FAM217A: variants seen among roughly 807,000 people sequenced by gnomAD.
FAM217A encodes the protein protein FAM217A.
A neutral mutation model predicts 18.5 loss-of-function variants in FAM217A; 13 were observed. That is an observed-to-expected ratio of 0.70 (90% CI 0.46 to 1.12). FAM217A has a LOEUF of 1.12. Ranked by LOEUF, FAM217A falls within the 50% of genes most tolerant of loss-of-function variation. FAM217A has a pLI of 0.00. For synonymous variants in FAM217A, 161 were observed against 202.8 expected (o/e 0.79, Z 1.75); for missense variants, 560 against 575.4 (o/e 0.97, Z 0.27).
chr6:4,076,338 G>GAAA (rs796414665), intron 2 of FAM217A, among the ~76,000 whole-genome samples: 2 of 101,620 alleles, frequency 2.0e-5, no homozygotes, highest in African/African-American at 6.3e-5. Context: ...CAAAAAAAAA[G>GAAA]AAAAAAAAAA....
rs1769557638 is a variant in FAM217A, at chr6:4,073,492, G to T, written c.175C>A (p.Pro59Thr). ...GGTTCTAGCATCAGTTGCTCCACTG[G>T]AATTTCCAAATAGTTCTATAAGGCA... ...GKINKNYLEI[P>T]VEQLMLEPNL... Residue 59 changes from proline (P) to threonine (T), a missense_variant, in exon 5 of 7, where the codon CCA becomes ACA. Transcript: ENST00000274673. 3 of 1,613,118 alleles carry T rather than the reference G, an allele frequency of 1.9e-6. No individual in the cohort carries two copies. Among genetic ancestry groups the T allele is most frequent in the South Asian group, 1.1e-5 (1 of 90,940 alleles).
At position 4,073,284 on chromosome 6, in the gene FAM217A, A is replaced by G. The variant is rs1769545593; in HGVS notation, c.293T>C (p.Ile98Thr). Residue 98 changes from isoleucine (I) to threonine (T), a missense_variant, in exon 6 of 7, where the codon ATA (isoleucine) becomes ACA (threonine). Physicochemically the swap from Ile to Thr is moderately conservative, Grantham distance 89. Coordinates refer to ENST00000274673, the MANE Select transcript of FAM217A (RefSeq NM_173563.3). Reference sequence around the variant, plus strand: ...ATAACTACTCGCTTACCTCTTCTCTATGGTACTTCCTTCATTAAGAGGACA... The same window carrying G: ...ATAACTACTCGCTTACCTCTTCTCTGTGGTACTTCCTTCATTAAGAGGACA... ...WNCPLNEGST[I>T]EKREFKKSSV... is the part of the protein sequence containing the mutation. 1 of 1,606,588 alleles carries G rather than the reference A, an allele frequency of 6.2e-7. No homozygotes were observed.
In FAM217A at chr6:4,077,441, T is replaced by C; in HGVS notation, c.-27A>G. 1 of 1,613,388 alleles carries C rather than the reference T, an allele frequency of 6.2e-7. No homozygotes were observed. Among genetic ancestry groups the C allele is most frequent in the Non-Finnish European group, 8.5e-7 (1 of 1,179,312 alleles). Reference sequence around the variant, plus strand: ...TTGTTGTAGCTGTTGCTCTGTTTCCTTAAAATCCTACACAGATTGCGGGAT... The same window carrying C: ...TTGTTGTAGCTGTTGCTCTGTTTCCCTAAAATCCTACACAGATTGCGGGAT... On this transcript the variant is annotated 5_prime_UTR_variant, in exon 2 of 7. Transcript: ENST00000274673.
intron 6 of FAM217A, 75 bp downstream of exon 6, chr6:4,073,199 AT>A: frequency 1.7e-6 from 2 of 1,149,568 alleles, no homozygotes; most frequent in Non-Finnish European, 2.5e-6. Flanking sequence ...TGGTCCTTGT[AT>A]TTCAAATAGT....
chr6:4,068,824 C>T lies in FAM217A; in HGVS notation c.1399G>A (p.Gly467Arg), dbSNP rs758570734. 2 of 1,614,134 alleles carry T rather than the reference C, an allele frequency of 1.2e-6. No homozygotes were observed. The highest frequency in any genetic ancestry group is 3.3e-5 in the Admixed American group (2 of 60,022). Reference protein sequence around the residue: ...EEIKAPKRNFGTKKKLYRQNI... With the variant: ...EEIKAPKRNFRTKKKLYRQNI... The stretch of plus-strand genomic sequence containing the variant: ...TGTCGGTAAAGTTTCTTTTTGGTCC[C>T]AAAGTTTCTCTTCGGTGCCTTAATT... Residue 467 changes from glycine (G) to arginine (R), a missense_variant, in exon 7 of 7, where the codon GGG becomes AGG. By Grantham distance (125) the Gly-to-Arg change is moderately radical (BLOSUM62 -2). Transcript: ENST00000274673.
chr6:4,084,643 T>C (rs1770522956), exon 2 of FAM217A: 1 of 702,902 alleles, frequency 1.4e-6, no homozygotes, highest in African/African-American at 1.7e-5. Context: ...CCCACCTCAT[T>C]TGTTGTGAAC....
chr6:4,070,982 T>G (rs1769366549), intron 6 of FAM217A, among the ~76,000 whole-genome samples: 1 of 150,690 alleles, frequency 6.6e-6, no homozygotes. Context: ...GGTGACAGAA[T>G]GAGGCCCTGT....
At chr6:4,074,745 T>A (rs1188870317) in intron 2 of FAM217A, 84 bp from the exon 3 acceptor site, 6 of 1,040,708 alleles carry the variant, frequency 5.8e-6, no homozygotes, top group African/African-American at 1.6e-5. Context: ...TGGGGTAAAG[T>A]ATGACGAAAG....
In FAM217A at chr6:4,079,021, C is replaced by T. The variant is rs377493266; in HGVS notation, c.-204G>A. On this transcript the variant is annotated 5_prime_UTR_variant, in exon 1 of 7. Transcript: ENST00000274673. Reference sequence around the variant, plus strand: ...GGGCGGCTGGCGGCCTTGAGCGCAGCCCGGTCGGCAGTGCAGGGCCTGCGA... The same window carrying T: ...GGGCGGCTGGCGGCCTTGAGCGCAGTCCGGTCGGCAGTGCAGGGCCTGCGA... The T allele has an allele frequency of 8.0e-5, 36 of 449,952 alleles. 1 individual carries two copies. Among genetic ancestry groups the T allele is most frequent in the East Asian group, 3.7e-4 (10 of 26,788 alleles). The allele number at this position is 449,952 out of a possible 1,614,324, so 27.9% of individuals were successfully genotyped here.
chr6:4,084,834 C>T (rs1316557459), intron 1 of FAM217A: 1 of 701,676 alleles, frequency 1.4e-6, no homozygotes, highest in Non-Finnish European at 2.6e-6. Context: ...AAAGGAATTG[C>T]ATTTACCTAA....
At chr6:4,075,074 G>A (rs762147657) in intron 2 of FAM217A, among the ~76,000 whole-genome samples, 6 of 152,210 alleles carry the variant, frequency 3.9e-5, no homozygotes, top group Non-Finnish European at 7.3e-5. Context: ...GCTCATGCCT[G>A]TACTCCCAGC....
At position 4,085,310 on chromosome 6, in the gene FAM217A, A is replaced by AT. The variant is rs1338547957; in HGVS notation, c.19-501_19-500insA. Among the ~76,000 whole-genome samples, 453 of 134,246 alleles carry AT rather than the reference A, an allele frequency of 3.4e-3. 1 individual carries two copies. Among genetic ancestry groups the AT allele is most frequent in the African/African-American group, 0.012 (425 of 34,116 alleles). 88.1% of individuals were successfully genotyped at this position (134,246 alleles called of 152,430 possible). On this transcript the variant is annotated intron_variant, in intron 1 of 8. Transcript: ENST00000639338. ...TAGAAGTGTTATTCATTGTAAAAAA[A>AT]AATATATATATATATATAAAATATG... is the stretch of plus-strand genomic sequence containing the variant.
chr6:4,068,688 G>T lies in FAM217A; in HGVS notation c.*8C>A. On this transcript the variant is annotated 3_prime_UTR_variant, in exon 7 of 7. Transcript: ENST00000274673. ...TGTGTTCACATTGAGATGTATGAAA[G>T]AAAAGAGTTATTTTTGTTCAATGGG... 2 of 1,583,302 alleles carry T rather than the reference G, an allele frequency of 1.3e-6. No homozygotes were observed. Among genetic ancestry groups the T allele is most frequent in the South Asian group, 1.2e-5 (1 of 84,826 alleles).
Position 4,069,878 on chromosome 6 carries a change from G to A in FAM217A, c.345C>T (p.Ile115=), listed in dbSNP as rs1482027694. The change falls in exon 7 of 7, where the codon ATC becomes ATT. Residue 115 remains isoleucine (I), a synonymous_variant. Transcript: ENST00000274673. ...KSSVETGFNV[I]NHPIRVFTLN... ...GAGTGAAGACCCTTATAGGATGATT[G>A]ATTACATTAAAGCCAGTTTCCACTG... is the stretch of plus-strand genomic sequence containing the variant. The A allele has an allele frequency of 1.3e-6, 2 of 1,599,956 alleles. No homozygotes were observed. The highest frequency in any genetic ancestry group is 1.7e-6 in the Non-Finnish European group (2 of 1,174,284).
At chr6:4,076,049 G>T (rs1433645790) in intron 2 of FAM217A, among the ~76,000 whole-genome samples, 1 of 148,018 alleles carries the variant, frequency 6.8e-6, no homozygotes, top group Non-Finnish European at 1.5e-5. Context: ...GGTGAGGGCC[G>T]GGCGCAGTGG....
rs1769633605 is a variant in FAM217A, at chr6:4,074,430, C to T, written c.159+13G>A. On this transcript the variant is annotated intron_variant, in intron 4 of 6. Coordinates refer to ENST00000274673, the MANE Select transcript of FAM217A (RefSeq NM_173563.3). The stretch of plus-strand genomic sequence containing the variant: ...GTTTTATGAATACCTTAAAACCAAA[C>T]ATTCATCCTTACCTTGTTAATTTTG... The T allele has an allele frequency of 1.3e-6, 2 of 1,570,488 alleles. No individual in the cohort carries two copies. The highest frequency in any genetic ancestry group is 2.3e-5 in the South Asian group (2 of 88,214).
chr6:4,076,150 G>A (rs990138315), intron 2 of FAM217A, among the ~76,000 whole-genome samples: 24 of 151,408 alleles, frequency 1.6e-4, no homozygotes, highest in Admixed American at 1.1e-3. Flanking sequence ...CCAACATGTC[G>A]AAACCCCATT....
upstream of FAM217A, among the ~76,000 whole-genome samples, chr6:4,083,937 T>C (rs1228524784): frequency 6.6e-6 from 1 of 152,238 alleles, no homozygotes; most frequent in African/African-American, 2.4e-5. Context: ...TATGCATTTT[T>C]GTTCTCAAAT....
Position 4,068,518 on chromosome 6 carries a change from T to G in FAM217A, c.*178A>C. The G allele has an allele frequency of 5.3e-6, 3 of 567,648 alleles. No individual in the cohort carries two copies. The highest frequency in any genetic ancestry group is 5.9e-6 in the Non-Finnish European group (2 of 340,552). 35.2% of individuals were successfully genotyped at this position (567,648 alleles called of 1,614,324 possible). ...ATATGTCAGTATAGAAGCCTGTGGG[T>G]TTATATATAGACATCTCAGCAGTGC... On this transcript the variant is annotated 3_prime_UTR_variant, in exon 7 of 7. Coordinates refer to ENST00000274673, the MANE Select transcript of FAM217A (RefSeq NM_173563.3).
Sources: gnomAD v4.1 joint callset for allele counts (sites outside exome capture counted in the v4.1 genomes callset) on GRCh38, gnomAD v4.1.1 for gene constraint, MANE v1.5 for transcripts, NCBI Gene and HGNC (gene_info 2026-07-23, HGNC 2026-07-21) for gene names.